Variants in OPCML observed in about 807,000 individuals in gnomAD.
OPCML encodes opioid binding protein/cell adhesion molecule like.
A neutral mutation model predicts 37.8 loss-of-function variants in OPCML; 13 were observed. The observed-to-expected ratio is 0.34, with a 90% CI of 0.22 to 0.55. The LOEUF (loss-of-function observed/expected upper bound fraction) is 0.55, where lower values mean the gene tolerates loss of function less well. Among genes scored for constraint, OPCML ranks in the 20% least tolerant of loss-of-function variants. The probability of loss-of-function intolerance (pLI) is 0.91; values close to 1 mark genes in which losing one functional copy is unlikely to be tolerated. For missense variants in OPCML, 341 were observed against 435.6 expected, an observed-to-expected ratio of 0.78 and a Z score of 1.93; for synonymous variants, 176 against 168.8, an observed-to-expected ratio of 1.04 and a Z score of -0.33.
At chr11:133,207,981 T>A (rs1939176417) in intron 1 of OPCML, among the ~76,000 whole-genome samples, 1 of 152,126 alleles carries the variant, frequency 6.6e-6, no homozygotes, top group African/African-American at 2.4e-5. Flanking sequence ...CCTTTACCCA[T>A]CTACTTAGCA....
At chr11:132,658,565 G>C (rs569923324) in intron 2 of OPCML, among the ~76,000 whole-genome samples, 1 of 152,312 alleles carries the variant, frequency 6.6e-6, no homozygotes, top group Non-Finnish European at 1.5e-5. Context: ...TCCCTGGTTG[G>C]TAGGAAGAAT....
At chr11:132,659,094 T>C (rs979071488) in intron 2 of OPCML, among the ~76,000 whole-genome samples, 6 of 152,194 alleles carry the variant, frequency 3.9e-5, no homozygotes, top group African/African-American at 1.4e-4. Context: ...TTCTTTCACA[T>C]CATTATAGAA....
chr11:132,843,094 T>TC (rs1337689427), intron 2 of OPCML, among the ~76,000 whole-genome samples: 1 of 147,998 alleles, frequency 6.8e-6, no homozygotes, highest in Non-Finnish European at 1.5e-5. Flanking sequence ...TTTTCTTTCT[T>TC]TTTTTTTTTT....
At chr11:133,229,744 C>T (rs1940195282) in intron 1 of OPCML, among the ~76,000 whole-genome samples, 1 of 152,022 alleles carries the variant, frequency 6.6e-6, no homozygotes, top group Admixed American at 6.6e-5. Context: ...GAGTATATTC[C>T]CTGAGGGTAA....
At chr11:132,675,768 G>C (rs996740265) in intron 2 of OPCML, among the ~76,000 whole-genome samples, 2 of 152,050 alleles carry the variant, frequency 1.3e-5, no homozygotes, top group African/African-American at 4.8e-5. Flanking sequence ...AAAAACAAAA[G>C]TGTTGAAATA....
intron 1 of OPCML, among the ~76,000 whole-genome samples, chr11:133,055,683 A>G (rs546721139): frequency 7.4e-4 from 108 of 146,448 alleles, no homozygotes; most frequent in African/African-American, 2.7e-3. Flanking sequence ...TGCCTCCATG[A>G]TACTTCCAAG....
chr11:133,147,186 T>C (rs918960589), intron 1 of OPCML, among the ~76,000 whole-genome samples: 4 of 152,200 alleles, frequency 2.6e-5, no homozygotes, highest in South Asian at 2.1e-4. Context: ...CTAAGGCTGA[T>C]AGGCAGTGCC....
intron 3 of OPCML, among the ~76,000 whole-genome samples, chr11:132,620,191 A>G (rs1939315025): frequency 6.6e-6 from 1 of 152,226 alleles, no homozygotes; most frequent in Admixed American, 6.5e-5. Context: ...CATCCTTGAA[A>G]GCTTTCACAA....
chr11:132,442,068 A>G (rs980049856), intron 4 of OPCML, among the ~76,000 whole-genome samples: 2 of 152,198 alleles, frequency 1.3e-5, no homozygotes, highest in African/African-American at 4.8e-5. Flanking sequence ...ATCCAGGATG[A>G]GCGAGGTGTT....
intron 2 of OPCML, among the ~76,000 whole-genome samples, chr11:132,712,617 G>A (rs532086985): frequency 5.3e-5 from 8 of 152,242 alleles, no homozygotes; most frequent in Non-Finnish European, 7.4e-5. Context: ...GCTCCGCGCC[G>A]CGTGTCAATA....
intron 1 of OPCML, among the ~76,000 whole-genome samples, chr11:133,501,142 C>G (rs567211164): frequency 6.6e-6 from 1 of 152,114 alleles, no homozygotes; most frequent in Non-Finnish European, 1.5e-5. Flanking sequence ...TCTCCTTGCC[C>G]GTAATAAGGG....
chr11:132,630,255 T>C (rs1940010507), intron 3 of OPCML, among the ~76,000 whole-genome samples: 2 of 152,232 alleles, frequency 1.3e-5, no homozygotes, highest in South Asian at 4.2e-4. Context: ...GAAAAGCTAT[T>C]TGGAGTAGTG....
intron 1 of OPCML, among the ~76,000 whole-genome samples, chr11:133,103,238 C>A (rs191205239): frequency 6.6e-6 from 1 of 152,224 alleles, no homozygotes; most frequent in Non-Finnish European, 1.5e-5. Context: ...TTTGATCAAC[C>A]TTTACACGTC....
chr11:133,078,407 G>A (rs545677753), intron 1 of OPCML, among the ~76,000 whole-genome samples: 1 of 152,298 alleles, frequency 6.6e-6, no homozygotes, highest in African/African-American at 2.4e-5. Context: ...CATGTGTGCA[G>A]GGACTACAGC....
intron 1 of OPCML, among the ~76,000 whole-genome samples, chr11:133,027,493 TG>T (rs1440551317): frequency 3.5e-4 from 49 of 138,850 alleles, no homozygotes; most frequent in African/African-American, 1.2e-3. Context: ...GTGTGTGTTG[TG>T]TGTGTGTGTG....
intron 1 of OPCML, among the ~76,000 whole-genome samples, chr11:132,981,254 G>C (rs116393067): frequency 1.5e-3 from 230 of 152,320 alleles, no homozygotes; most frequent in African/African-American, 5.3e-3. Flanking sequence ...CAGCCCCATA[G>C]CAGCAACAAG....
At chr11:132,443,916 A>T (rs1400688440) in intron 4 of OPCML, among the ~76,000 whole-genome samples, 1 of 152,206 alleles carries the variant, frequency 6.6e-6, no homozygotes, top group Non-Finnish European at 1.5e-5. Flanking sequence ...GCAGATCAAA[A>T]CATCCGCTGG....
intron 3 of OPCML, among the ~76,000 whole-genome samples, chr11:132,628,329 T>C (rs144594004): frequency 2.6e-5 from 4 of 152,326 alleles, no homozygotes; most frequent in African/African-American, 9.6e-5. Flanking sequence ...GTTTGGAAAC[T>C]GTATGAAAAA....
chr11:133,232,317 G>A (rs1040270660), intron 1 of OPCML, among the ~76,000 whole-genome samples: 1 of 152,158 alleles, frequency 6.6e-6, no homozygotes, highest in African/African-American at 2.4e-5. Flanking sequence ...TTAGACTGAG[G>A]TCTAGTTTTA....
Sources: gnomAD v4.1 joint callset for allele counts (sites outside exome capture counted in the v4.1 genomes callset) on GRCh38, gnomAD v4.1.1 for gene constraint, MANE v1.5 for transcripts, NCBI Gene and HGNC (gene_info 2026-07-23, HGNC 2026-07-21) for gene names.